Variants in ATP7B observed in about 807,000 individuals in gnomAD.
The protein encoded by ATP7B is copper-transporting ATPase 2.
Under a neutral mutation model 118.9 loss-of-function variants are expected in ATP7B, and 113 were observed. The ratio of observed to expected loss-of-function variants is 0.95; its 90% CI spans 0.82 to 1.11. The LOEUF is 1.11. Among genes scored for constraint, ATP7B ranks in the 50% most tolerant of loss-of-function variants. The probability of loss-of-function intolerance (pLI) is 0.00; values close to 1 mark genes in which losing one functional copy is unlikely to be tolerated. For missense variants in ATP7B, 1,867 were observed against 1,871.4 expected (o/e 1.00, Z 0.04); for synonymous variants, 777 against 727.4 (o/e 1.07, Z -1.10).
At position 51,932,782 on chromosome 13, in the gene ATP7B, T is replaced by C. The variant is rs930481512; in HGVS notation, c.*1974A>G. 2 of 152,260 alleles carry C rather than the reference T, an allele frequency of 1.3e-5. No homozygotes were observed. The highest frequency in any genetic ancestry group is 4.8e-5 in the African/African-American group (2 of 41,476). 9.4% of individuals were successfully genotyped at this position (152,260 alleles called of 1,614,324 possible). ...ACTTTGACCATCTAAAAGGTTATTT[T>C]CTATAAAATTATATAAATATTTCCA... On this transcript the variant is annotated 3_prime_UTR_variant, in exon 21 of 21. Coordinates refer to ENST00000242839, the MANE Select transcript of ATP7B (RefSeq NM_000053.4).
chr13:52,000,250 A>T (rs902299197), intron 1 of ATP7B, among the ~76,000 whole-genome samples: 1 of 152,234 alleles, frequency 6.6e-6, no homozygotes, highest in Non-Finnish European at 1.5e-5. Context: ...GAAGTCCCAG[A>T]TCAAGGAGCC....
At chr13:51,964,764 A>C in intron 5 of ATP7B, 108 bp downstream of exon 5, 1 of 1,341,288 alleles carries the variant, frequency 7.5e-7, no homozygotes, top group Non-Finnish European at 1.0e-6. Context: ...AAGTTGAAGA[A>C]TTTTGGTTAT....
intron 1 of ATP7B, among the ~76,000 whole-genome samples, chr13:51,985,523 A>G (rs1252437191): frequency 6.6e-6 from 1 of 152,200 alleles, no homozygotes; most frequent in Non-Finnish European, 1.5e-5. Flanking sequence ...CAGAAAATTA[A>G]CAACGATATT....
chr13:51,995,796 A>G (rs1566655330), intron 1 of ATP7B, among the ~76,000 whole-genome samples: 1 of 152,152 alleles, frequency 6.6e-6, no homozygotes, highest in African/African-American at 2.4e-5. Flanking sequence ...CAACCGTCCC[A>G]GCACTTGGCA....
At chr13:52,006,628 T>TA (rs1288261505) in intron 1 of ATP7B, among the ~76,000 whole-genome samples, 2 of 152,316 alleles carry the variant, frequency 1.3e-5, no homozygotes, top group South Asian at 2.1e-4. Flanking sequence ...AGGAGTGACT[T>TA]ACGCTGTTTT....
chr13:51,955,361 G>T (rs1250033395), intron 9 of ATP7B, among the ~76,000 whole-genome samples: 3 of 152,220 alleles, frequency 2.0e-5, no homozygotes, highest in Non-Finnish European at 4.4e-5. Flanking sequence ...TGGGCTCGGG[G>T]TGTGCTGTCA....
Position 51,941,201 on chromosome 13 carries a change from C to T in ATP7B, c.3436G>A (p.Val1146Met), listed in dbSNP as rs1213481140. 1.2e-6 allele frequency: 2 copies of T among 1,614,072 alleles called. No individual in the cohort carries two copies. Among genetic ancestry groups the T allele is most frequent in the Admixed American group, 1.7e-5 (1 of 60,018 alleles). ...EKDAVPQTFS[V>M]LIGNREWLRR... The stretch of plus-strand genomic sequence containing the variant: ...AGCCACTCACGGTTTCCAATCAGCA[C>T]AGAGAAGGTCTGGGGGACTGCATCT... The change falls in exon 16 of 21, where the codon GTG becomes ATG. Residue 1146 changes from valine to methionine, a missense_variant. Transcript: ENST00000242839.
rs759444110 is a variant in ATP7B at position 51,958,368 on chromosome 13, C to T, written c.2298G>A (p.Thr766=). 1.5e-5 allele frequency: 24 copies of T among 1,614,036 alleles called. No homozygotes were observed. The highest frequency in any genetic ancestry group is 1.3e-4 in the South Asian group (12 of 91,082). The change falls in exon 8 of 21, where the codon ACG becomes ACA. Residue 766 remains threonine (T), a synonymous_variant. Transcript: ENST00000242839. The part of the protein sequence containing the change: ...AERSPVTFFD[T]PPMLFVFIAL... Reference sequence around the variant, plus strand: ...CAATGAACACAAAGAGCATGGGGGGCGTGTCGAAGAATGTCACAGGGCTCC... The same window carrying T: ...CAATGAACACAAAGAGCATGGGGGGTGTGTCGAAGAATGTCACAGGGCTCC...
chr13:51,992,979 CAA>C lies in ATP7B; in HGVS notation c.52-17813_52-17812del, dbSNP rs58319382. Among the ~76,000 whole-genome samples the C allele has an allele frequency of 7.6e-3, 476 of 62,898 alleles. 2 individuals are homozygous for C. The highest frequency in any genetic ancestry group is 0.032 in the African/African-American group (429 of 13,534). 41.3% of individuals were successfully genotyped at this position (62,898 alleles called of 152,430 possible). A position where few individuals can be genotyped will look rare whatever the true frequency, so the allele number is the denominator to read the frequency against. ...TGGATGACAGAGCAAGACTCTGTCT[CAA>C]AAAAAAAAAAAAAAAAAAAAAGATA... On this transcript the variant is annotated intron_variant, in intron 1 of 20. Coordinates refer to ENST00000242839, the MANE Select transcript of ATP7B (RefSeq NM_000053.4).
chr13:51,963,092 C>CA lies in ATP7B; in HGVS notation c.1870-1180dup, dbSNP rs1165735824. Among the ~76,000 whole-genome samples the CA allele has an allele frequency of 8.3e-3, 1,135 of 136,150 alleles. 14 individuals carry two copies. Among genetic ancestry groups the CA allele is most frequent in the East Asian group, 0.025 (118 of 4,724 alleles). 89.3% of individuals were successfully genotyped at this position (136,150 alleles called of 152,430 possible). A position where few individuals can be genotyped will look rare whatever the true frequency, so the allele number is the denominator to read the frequency against. ...GGGCAACAAGAGCAAAACACCAACT[C>CA]AAAAAAAAAAAGAAAGAAAGAAATC... On this transcript the variant is annotated intron_variant, in intron 5 of 20. Coordinates refer to ENST00000242839, the MANE Select transcript of ATP7B (RefSeq NM_000053.4).
intron 1 of ATP7B, among the ~76,000 whole-genome samples, chr13:52,004,094 C>T (rs1953660939): frequency 1.3e-5 from 2 of 151,948 alleles, no homozygotes; most frequent in South Asian, 4.1e-4. Context: ...CCCGTCTCTA[C>T]TAAAAAAAAT....
Position 52,007,481 on chromosome 13 carries a change from T to C in ATP7B, c.51+3806A>G, listed in dbSNP as rs141412903. ...TGCCACAGCCACTCTGGCTTTCCTA[T>C]TGTTCCCCAAACTCTAACATCATGT... is the stretch of plus-strand genomic sequence containing the variant. On this transcript the variant is annotated intron_variant, in intron 1 of 20. Transcript: ENST00000242839. Among the ~76,000 whole-genome samples, 258 of 152,364 alleles carry C rather than the reference T, an allele frequency of 1.7e-3. 1 individual carries two copies. The highest frequency in any genetic ancestry group is 5.8e-3 in the African/African-American group (240 of 41,594).
At chr13:51,971,882 C>T (rs992447190) in intron 2 of ATP7B, among the ~76,000 whole-genome samples, 6 of 152,252 alleles carry the variant, frequency 3.9e-5, no homozygotes, top group Non-Finnish European at 7.3e-5. Flanking sequence ...TCAGCCATCC[C>T]TGAGCACTGA....
chr13:51,934,490 A>G lies in ATP7B; in HGVS notation c.*266T>C. 1.9e-6 allele frequency: 1 copy of G among 537,858 alleles called. No homozygotes were observed. The highest frequency in any genetic ancestry group is 3.4e-6 in the Non-Finnish European group (1 of 298,006). The allele number at this position is 537,858 out of a possible 1,614,324, so 33.3% of individuals were successfully genotyped here. A position where few individuals can be genotyped will look rare whatever the true frequency, so the allele number is the denominator to read the frequency against. ...GAGGGTGACTCGCCTCTCACCTTCT[A>G]CAGTCCAGCCAAGGACTAGAGTCCA... On this transcript the variant is annotated 3_prime_UTR_variant, in exon 21 of 21. Transcript: ENST00000242839.
chr13:51,986,709 T>C (rs148296598), intron 1 of ATP7B, among the ~76,000 whole-genome samples: 14,481 of 152,240 alleles, frequency 0.095, 744 homozygotes, highest in Non-Finnish European at 0.12. Context: ...TCAAAAAGCT[T>C]ATCCACCATG....
rs562986287 is a variant in ATP7B, at chr13:51,952,364, A to G, written c.2448-1965T>C. Among the ~76,000 whole-genome samples the G allele has an allele frequency of 1.1e-4, 16 of 152,360 alleles. No homozygotes were observed. The South Asian group carries it at 3.3e-3, about 32-fold the overall frequency. On this transcript the variant is annotated intron_variant, in intron 9 of 20. Coordinates refer to ENST00000242839, the MANE Select transcript of ATP7B (RefSeq NM_000053.4). ...AACAAGCCAGAAGAGCATGCATGGA[A>G]AGCAAGCAGGGCTCTGAGGTTATTT...
chr13:51,998,124 C>T (rs1208818513), intron 1 of ATP7B, among the ~76,000 whole-genome samples: 1 of 152,184 alleles, frequency 6.6e-6, no homozygotes, highest in African/African-American at 2.4e-5. Context: ...CTGTGGAATC[C>T]TGCTAGCAGC....
chr13:51,936,465 G>T (rs1463138505), intron 19 of ATP7B, among the ~76,000 whole-genome samples: 1 of 145,876 alleles, frequency 6.9e-6, no homozygotes, highest in African/African-American at 2.5e-5. Flanking sequence ...GGGGGCGGGG[G>T]AGAGATGGTT....
chr13:51,935,200 C>T (rs1004340588), intron 20 of ATP7B, among the ~76,000 whole-genome samples, 171 bp from the exon 21 acceptor site: 41 of 152,158 alleles, frequency 2.7e-4, no homozygotes, highest in African/African-American at 9.7e-4. Flanking sequence ...GAAAGCTCAC[C>T]TGATTTAGAA....
Sources: allele counts gnomAD v4.1 joint callset (sites outside exome capture counted in the v4.1 genomes callset), GRCh38; gene constraint gnomAD v4.1.1; transcripts MANE v1.5; gene names NCBI Gene and HGNC (gene_info 2026-07-23, HGNC 2026-07-21).